The following CTNNBL1 variants were observed in gnomAD, a reference collection of about 807,000 sequenced individuals.
CTNNBL1 encodes the protein beta-catenin-like protein 1.
A neutral mutation model predicts 72.7 loss-of-function variants in CTNNBL1; 31 were observed. The observed-to-expected ratio is 0.43, with a 90% CI of 0.32 to 0.58. The LOEUF is 0.58. Ranked by LOEUF, CTNNBL1 falls within the 20% of genes least tolerant of loss-of-function variation. CTNNBL1 has a pLI of 0.08. For synonymous variants in CTNNBL1, 240 were observed against 267.3 expected, an observed-to-expected ratio of 0.90 and a Z score of 1.00; for missense variants, 534 against 725.1, an observed-to-expected ratio of 0.74 and a Z score of 3.03.
chr20:37,755,572 C>T (rs1346141082), intron 4 of CTNNBL1, among the ~76,000 whole-genome samples: 1 of 152,144 alleles, frequency 6.6e-6, no homozygotes, highest in South Asian at 2.1e-4. Flanking sequence ...GTTAATTATT[C>T]GTGATGGTCA....
chr20:37,779,451 C>T (rs1568776777), intron 10 of CTNNBL1, 116 bp downstream of exon 10: 3 of 1,210,506 alleles, frequency 2.5e-6, no homozygotes, highest in Non-Finnish European at 3.5e-6. Flanking sequence ...TAGACTTTAC[C>T]CTGAAGAGTA....
chr20:37,825,261 G>A (rs1267742975), intron 11 of CTNNBL1, among the ~76,000 whole-genome samples: 1 of 152,174 alleles, frequency 6.6e-6, no homozygotes, highest in Non-Finnish European at 1.5e-5. Context: ...GCTGAGACAG[G>A]ATAATCGCTT....
intron 13 of CTNNBL1, among the ~76,000 whole-genome samples, chr20:37,846,306 G>A (rs1392675304): frequency 6.6e-6 from 1 of 152,124 alleles, no homozygotes; most frequent in African/African-American, 2.4e-5. Flanking sequence ...GCCAAGTGAA[G>A]GGGGAGAGAA....
At position 37,853,735 on chromosome 20, in the gene CTNNBL1, C is replaced by T. The variant is rs192374070; in HGVS notation, c.1393-6164C>T. Among the ~76,000 whole-genome samples the T allele has an allele frequency of 5.9e-5, 9 of 152,306 alleles. No homozygotes were observed. The East Asian group carries it at 1.2e-3, about 20-fold the overall frequency. On this transcript the variant is annotated intron_variant, in intron 13 of 15. Transcript: ENST00000361383. ...CAAAACTTGAGAAGATAGAGGACTG[C>T]CCACACTTTCTCACTTTCTTGTTTT...
intron 10 of CTNNBL1, among the ~76,000 whole-genome samples, chr20:37,783,747 A>G (rs533667398): frequency 6.6e-6 from 1 of 152,252 alleles, no homozygotes; most frequent in Non-Finnish European, 1.5e-5. Flanking sequence ...GTTTTCTTGT[A>G]TTTTTAAAGA....
rs764199398 is a variant in CTNNBL1, at chr20:37,860,035, A to T, written c.1529A>T (p.Gln510Leu). ...GAGATCTGCAATGCCAATGTCCCCC[A>T]GGTAGGAGGGTCTTCCCCTGGATGG... ...MAEICNANVP[Q>L]IRQRVHQILN... Residue 510 changes from glutamine to leucine, a missense_variant and splice_region_variant, in exon 14 of 16, where the codon CAG becomes CTG. By Grantham distance (113) the Gln-to-Leu change is moderately radical (BLOSUM62 -2). Transcript: ENST00000361383. 4.2e-5 allele frequency: 67 copies of T among 1,613,944 alleles called. 1 individual carries two copies. The highest frequency in any genetic ancestry group is 5.0e-5 in the Non-Finnish European group (59 of 1,179,996).
At chr20:37,746,667 CTT>C (rs2073267758) in intron 4 of CTNNBL1, 60 bp downstream of exon 4, 1 of 1,578,634 alleles carries the variant, frequency 6.3e-7, no homozygotes, top group Non-Finnish European at 8.7e-7. Flanking sequence ...TGCTGTTACT[CTT>C]TCTCCTGTCT....
chr20:37,723,159 C>T (rs2073055279), intron 1 of CTNNBL1, among the ~76,000 whole-genome samples: 2 of 152,200 alleles, frequency 1.3e-5, no homozygotes, highest in Admixed American at 1.3e-4. Flanking sequence ...AAAAAGAAAT[C>T]TATACACCCT....
At chr20:37,840,902 T>C (rs1439061380) in intron 12 of CTNNBL1, among the ~76,000 whole-genome samples, 1 of 151,644 alleles carries the variant, frequency 6.6e-6, no homozygotes, top group Non-Finnish European at 1.5e-5. Flanking sequence ...ATTAGATGGT[T>C]CGGGCTATGG....
chr20:37,696,435 CTTTTTTTT>C (rs57358123), intron 1 of CTNNBL1, among the ~76,000 whole-genome samples: 3 of 89,608 alleles, frequency 3.3e-5, no homozygotes, highest in African/African-American at 9.1e-5. Context: ...TGTACAATAT[CTTTTTTTT>C]TTTTTTTTTT....
At chr20:37,745,648 C>T (rs1049602099) in intron 3 of CTNNBL1, among the ~76,000 whole-genome samples, 1 of 152,134 alleles carries the variant, frequency 6.6e-6, no homozygotes. Flanking sequence ...TAGTCTGACT[C>T]CAGAGTCAGT....
At chr20:37,708,107 TG>T (rs1257343712) in intron 1 of CTNNBL1, among the ~76,000 whole-genome samples, 1 of 152,160 alleles carries the variant, frequency 6.6e-6, no homozygotes. Context: ...TGAAAAAGTT[TG>T]AAACATTGCA....
intron 7 of CTNNBL1, among the ~76,000 whole-genome samples, chr20:37,773,232 C>A (rs1285382404): frequency 6.6e-6 from 1 of 152,210 alleles, no homozygotes; most frequent in Non-Finnish European, 1.5e-5. Flanking sequence ...AGGGCACAAT[C>A]TGCTTTGACA....
chr20:37,797,865 T>C (rs1435627684), intron 10 of CTNNBL1, among the ~76,000 whole-genome samples: 1 of 152,222 alleles, frequency 6.6e-6, no homozygotes, highest in Non-Finnish European at 1.5e-5. Context: ...TGTCCCATGC[T>C]TAACGCCTGT....
intron 1 of CTNNBL1, among the ~76,000 whole-genome samples, chr20:37,729,067 T>C (rs1005419431): frequency 2.6e-5 from 4 of 152,356 alleles, no homozygotes; most frequent in African/African-American, 9.6e-5. Flanking sequence ...TAGTAAGTTA[T>C]TTGTTGAATT....
At chr20:37,855,613 G>A (rs902930643) in intron 13 of CTNNBL1, among the ~76,000 whole-genome samples, 1 of 152,022 alleles carries the variant, frequency 6.6e-6, no homozygotes, top group Non-Finnish European at 1.5e-5. Context: ...CCCTTCTCAC[G>A]TAGGCTGATG....
intron 1 of CTNNBL1, among the ~76,000 whole-genome samples, chr20:37,697,187 G>GA (rs960227780): frequency 3.1e-4 from 44 of 142,818 alleles, no homozygotes; most frequent in East Asian, 1.6e-3. Flanking sequence ...CTCTCTCAAA[G>GA]AAAAAAAAAA....
chr20:37,803,751 CG>C (rs1435770002), intron 11 of CTNNBL1, among the ~76,000 whole-genome samples: 17 of 152,054 alleles, frequency 1.1e-4, no homozygotes, highest in African/African-American at 4.1e-4. Context: ...GTGTGGGGAG[CG>C]GGTGGAGAGG....
intron 1 of CTNNBL1, among the ~76,000 whole-genome samples, chr20:37,722,849 A>T (rs903896780): frequency 2.6e-5 from 4 of 152,200 alleles, no homozygotes; most frequent in African/African-American, 4.8e-5. Flanking sequence ...TTTTGTTGTT[A>T]AATTGATGTC....
Sources: allele counts gnomAD v4.1 joint callset (sites outside exome capture counted in the v4.1 genomes callset), GRCh38; gene constraint gnomAD v4.1.1; transcripts MANE v1.5; gene names NCBI Gene and HGNC (gene_info 2026-07-23, HGNC 2026-07-21).